Variants in LHFPL3 observed in about 807,000 individuals in gnomAD.
The protein encoded by LHFPL3 is LHFPL tetraspan subfamily member 3.
In LHFPL3, 5 loss-of-function variants were observed where a neutral mutation model predicts 19.3. The observed-to-expected ratio is 0.26, with a 90% CI of 0.14 to 0.54. LHFPL3 has a LOEUF of 0.54. LHFPL3 is among the 20% of genes least tolerant of loss of function. The probability of loss-of-function intolerance (pLI) is 0.94; values close to 1 mark genes in which losing one functional copy is unlikely to be tolerated. For missense variants in LHFPL3, 249 were observed against 307.4 expected (o/e 0.81, Z 1.42); for synonymous variants, 133 against 126.2 (o/e 1.05, Z -0.36).
At chr7:104,775,893 T>G (rs1205321000) in intron 2 of LHFPL3, among the ~76,000 whole-genome samples, 1 of 151,488 alleles carries the variant, frequency 6.6e-6, no homozygotes. Context: ...AAAAAATGCA[T>G]GCTCACATTT....
At chr7:104,514,247 T>C (rs1466721130) in intron 1 of LHFPL3, among the ~76,000 whole-genome samples, 3 of 152,168 alleles carry the variant, frequency 2.0e-5, no homozygotes, top group Non-Finnish European at 4.4e-5. Context: ...CTATTTTGCC[T>C]AATAAATCTT....
chr7:104,388,540 C>A (rs1386214955), intron 1 of LHFPL3, among the ~76,000 whole-genome samples: 1 of 152,150 alleles, frequency 6.6e-6, no homozygotes, highest in African/African-American at 2.4e-5. Flanking sequence ...TCCCAACTTA[C>A]TCTATGAGAC....
intron 1 of LHFPL3, among the ~76,000 whole-genome samples, chr7:104,478,840 A>G (rs1264418313): frequency 6.6e-6 from 1 of 152,228 alleles, no homozygotes; most frequent in East Asian, 1.9e-4. Flanking sequence ...CAGGAATGTC[A>G]TGTGGACACA....
At chr7:104,446,615 G>T (rs1792334825) in intron 1 of LHFPL3, among the ~76,000 whole-genome samples, 1 of 151,860 alleles carries the variant, frequency 6.6e-6, no homozygotes, top group Non-Finnish European at 1.5e-5. Flanking sequence ...TCACTCTGTT[G>T]CCCAGGCTGG....
At chr7:104,423,218 C>G (rs993919418) in intron 1 of LHFPL3, among the ~76,000 whole-genome samples, 2 of 152,112 alleles carry the variant, frequency 1.3e-5, no homozygotes, top group African/African-American at 4.8e-5. Flanking sequence ...GAGCAAGGTG[C>G]TTGGAGGCTG....
chr7:104,426,050 A>G (rs1440204143), intron 1 of LHFPL3, among the ~76,000 whole-genome samples: 1 of 152,240 alleles, frequency 6.6e-6, no homozygotes, highest in Non-Finnish European at 1.5e-5. Flanking sequence ...CTTCAAACAC[A>G]CACAGTAGTG....
At chr7:104,359,445 AT>A (rs1472258496) in intron 1 of LHFPL3, among the ~76,000 whole-genome samples, 1 of 152,218 alleles carries the variant, frequency 6.6e-6, no homozygotes, top group East Asian at 1.9e-4. Context: ...GATAAAATTA[AT>A]TTTTTGAAGT....
At chr7:104,903,906 T>A (rs185961448) in intron 2 of LHFPL3, among the ~76,000 whole-genome samples, 4 of 152,360 alleles carry the variant, frequency 2.6e-5, no homozygotes, top group African/African-American at 9.6e-5. Flanking sequence ...AGTGCATGTG[T>A]CTTTTTGGTA....
rs143314652 is a variant in LHFPL3, at chr7:104,739,344, T to G, written c.682+2433T>G. On this transcript the variant is annotated intron_variant, in intron 2 of 2. Coordinates refer to ENST00000424859, the MANE Select transcript of LHFPL3 (RefSeq NM_199000.3). ...GTTTGCGGAAAGACCAATCAGTAGTTGTGTATGTTGTATGTGTGAATATAG... is the reference window on the plus strand; with the variant it reads ...GTTTGCGGAAAGACCAATCAGTAGTGGTGTATGTTGTATGTGTGAATATAG... Among the ~76,000 whole-genome samples, 41 of 152,314 alleles carry G rather than the reference T, an allele frequency of 2.7e-4. No individual in the cohort carries two copies. The East Asian group carries it at 7.3e-3, about 27-fold the overall frequency.
intron 2 of LHFPL3, among the ~76,000 whole-genome samples, chr7:104,863,448 AAAATAT>A (rs1361177491): frequency 1.3e-5 from 2 of 152,204 alleles, no homozygotes; most frequent in Non-Finnish European, 2.9e-5. Flanking sequence ...AAGACTAACC[AAAATAT>A]AAGTGCTGTG....
chr7:104,531,354 A>T (rs1794290190), intron 1 of LHFPL3, among the ~76,000 whole-genome samples: 1 of 152,294 alleles, frequency 6.6e-6, no homozygotes, highest in Non-Finnish European at 1.5e-5. Context: ...CCACTGGATA[A>T]AATAAGAGTT....
intron 1 of LHFPL3, among the ~76,000 whole-genome samples, chr7:104,622,266 C>T (rs756787040): frequency 4.6e-5 from 7 of 152,150 alleles, no homozygotes; most frequent in Non-Finnish European, 1.0e-4. Flanking sequence ...TGGGCCACCA[C>T]ACTCAGCTCA....
chr7:104,859,450 C>T (rs1321089399), intron 2 of LHFPL3, among the ~76,000 whole-genome samples: 1 of 152,046 alleles, frequency 6.6e-6, no homozygotes, highest in African/African-American at 2.4e-5. Context: ...AGGCGGATCA[C>T]TTGAGGTCAG....
chr7:104,661,679 G>A (rs185042758), intron 1 of LHFPL3, among the ~76,000 whole-genome samples: 3 of 152,308 alleles, frequency 2.0e-5, no homozygotes, highest in East Asian at 1.9e-4. Context: ...TGAAGCCATG[G>A]ATAGTACCAA....
intron 2 of LHFPL3, among the ~76,000 whole-genome samples, chr7:104,880,329 A>G (rs1163385782): frequency 1.3e-5 from 2 of 152,010 alleles, no homozygotes; most frequent in African/African-American, 4.8e-5. Context: ...TTCCACCAAG[A>G]TTGGAAGCCT....
intron 1 of LHFPL3, among the ~76,000 whole-genome samples, chr7:104,430,397 T>TATATATATATACATATATATATATAC (rs1791951109): frequency 2.3e-5 from 1 of 43,226 alleles, no homozygotes; most frequent in Admixed American, 3.0e-4. Context: ...TATATATATA[T>TATATATATATACATATATATATATAC]ATATATACAT....
chr7:104,876,517 A>G (rs1191508778), intron 2 of LHFPL3, among the ~76,000 whole-genome samples: 2 of 151,132 alleles, frequency 1.3e-5, no homozygotes, highest in Non-Finnish European at 3.0e-5. Flanking sequence ...CAAAAGACAC[A>G]TGAAAAAATG....
At chr7:104,593,720 C>T (rs986542462) in intron 1 of LHFPL3, among the ~76,000 whole-genome samples, 13 of 152,278 alleles carry the variant, frequency 8.5e-5, no homozygotes, top group African/African-American at 3.1e-4. Context: ...AATCTGGGCA[C>T]TCCTGTATTG....
intron 1 of LHFPL3, among the ~76,000 whole-genome samples, chr7:104,680,834 A>G (rs556765021): frequency 6.6e-6 from 1 of 152,308 alleles, no homozygotes; most frequent in Non-Finnish European, 1.5e-5. Context: ...GGTTGCCTAG[A>G]CAGGGGAATC....
Sources: allele counts gnomAD v4.1 joint callset (sites outside exome capture counted in the v4.1 genomes callset), GRCh38; gene constraint gnomAD v4.1.1; transcripts MANE v1.5; gene names NCBI Gene and HGNC (gene_info 2026-07-23, HGNC 2026-07-21).